CDH23: variants seen among roughly 807,000 people sequenced by gnomAD.
CDH23 encodes cadherin-23.
A neutral mutation model predicts 317.1 loss-of-function variants in CDH23; 189 were observed. That is an observed-to-expected ratio of 0.60 (90% CI 0.53 to 0.67). The LOEUF (loss-of-function observed/expected upper bound fraction) is 0.67. Among genes scored for constraint, CDH23 ranks in the 30% least tolerant of loss-of-function variants. The probability of loss-of-function intolerance (pLI) is 0.00; values close to 1 mark genes in which losing one functional copy is unlikely to be tolerated. For missense variants in CDH23, 4,401 were observed against 4,592.4 expected, an observed-to-expected ratio of 0.96 and a Z score of 1.20; for synonymous variants, 1,839 against 1,876.8, an observed-to-expected ratio of 0.98 and a Z score of 0.52.
At chr10:71,555,683 G>T (rs932368730) in intron 6 of CDH23, among the ~76,000 whole-genome samples, 4 of 152,220 alleles carry the variant, frequency 2.6e-5, no homozygotes, top group Admixed American at 6.5e-5. Context: ...CTACAGGAAG[G>T]TCACTCAGTT....
Position 71,675,182 on chromosome 10 carries a change from A to G in CDH23, c.1514+6A>G, listed in dbSNP as rs367949981. ...TTCAGTGATGACCCTGACAGGTGAG[A>G]CTCTGCCCACAGCCCCTCAGGCCCC... On this transcript the variant is annotated splice_donor_region_variant and intron_variant, in intron 15 of 69. Transcript: ENST00000224721. 1.4e-5 allele frequency: 22 copies of G among 1,612,698 alleles called. No homozygotes were observed. In the African/African-American group the frequency reaches 2.7e-4, roughly 20 times the overall value.
Position 71,707,002 on chromosome 10 carries a change from C to G in CDH23, c.3059C>G (p.Thr1020Arg), listed in dbSNP as rs553678036. 1.2e-6 allele frequency: 2 copies of G among 1,607,506 alleles called. No individual in the cohort carries two copies. The highest frequency in any genetic ancestry group is 1.7e-6 in the Non-Finnish European group (2 of 1,177,098). The change falls in exon 26 of 70, where the codon ACG (threonine) becomes AGG (arginine). Residue 1020 changes from threonine (T) to arginine (R), a missense_variant. Coordinates refer to ENST00000224721, the MANE Select transcript of CDH23 (RefSeq NM_022124.6). ...REFRVVWLNC[T>R]DNDVGLNAEL... ...TTCCGGGTGGTCTGGCTGAACTGCA[C>G]GGACAACGACGTGGGCCTCAATGCA...
chr10:71,423,640 G>A (rs1027808836), intron 1 of CDH23, among the ~76,000 whole-genome samples: 3 of 152,168 alleles, frequency 2.0e-5, no homozygotes, highest in African/African-American at 7.2e-5. Context: ...CAGCTTTAGG[G>A]GAGACTCAGC....
chr10:71,811,366 G>C lies in CDH23; in HGVS notation c.9129G>C (p.Arg3043=), dbSNP rs2133001334. The change falls in exon 63 of 70, where the codon CGG becomes CGC. Residue 3043 remains arginine (R), a synonymous_variant. Coordinates refer to ENST00000224721, the MANE Select transcript of CDH23 (RefSeq NM_022124.6). Reference sequence around the variant, plus strand: ...AGGAGCAGCTACGGAATCTTTTCCGGAACTACAACGTCCTGGACGTGCAGC... The same window carrying C: ...AGGAGCAGCTACGGAATCTTTTCCGCAACTACAACGTCCTGGACGTGCAGC... The part of the protein sequence containing the change: ...ENKEQLRNLF[R]NYNVLDVQPA... 2 of 1,613,930 alleles carry C rather than the reference G, an allele frequency of 1.2e-6. No individual in the cohort carries two copies. Among genetic ancestry groups the C allele is most frequent in the Non-Finnish European group, 8.5e-7 (1 of 1,179,884 alleles).
chr10:71,684,437 C>G (rs553363229), intron 18 of CDH23, among the ~76,000 whole-genome samples: 32 of 152,182 alleles, frequency 2.1e-4, no homozygotes, highest in African/African-American at 7.0e-4. Context: ...TGCTCCACCC[C>G]CCCTGGAGAC....
intron 1 of CDH23, among the ~76,000 whole-genome samples, chr10:71,399,876 G>A (rs956827524): frequency 1.3e-5 from 2 of 152,030 alleles, no homozygotes; most frequent in Non-Finnish European, 2.9e-5. Context: ...CCTCTAGGAC[G>A]CCTGAGACGG....
At chr10:71,715,750 T>G (rs1866186879) in intron 28 of CDH23, 2 of 495,536 alleles carry the variant, frequency 4.0e-6, no homozygotes, top group South Asian at 3.8e-5. Context: ...GAGAGGAAGG[T>G]GCTCTTCTGA....
rs139172365 is a variant in CDH23, at chr10:71,402,429, G to A, written c.-6+5111G>A. On this transcript the variant is annotated intron_variant, in intron 1 of 69. Coordinates refer to ENST00000224721, the MANE Select transcript of CDH23 (RefSeq NM_022124.6). The stretch of plus-strand genomic sequence containing the variant: ...ATTGAGCACCAGTTCTTCCACTAGA[G>A]CTCTGAAGCCTTGGGTCTGGCTTAG... Among the ~76,000 whole-genome samples the A allele has an allele frequency of 2.8e-3, 421 of 152,314 alleles. 3 individuals are homozygous for A. Among genetic ancestry groups the A allele is most frequent in the Non-Finnish European group, 4.3e-3 (295 of 68,040 alleles).
At chr10:71,805,628 G>A (rs1417926359) in intron 55 of CDH23, among the ~76,000 whole-genome samples, 178 bp from the exon 56 acceptor site, 1 of 152,232 alleles carries the variant, frequency 6.6e-6, no homozygotes, top group Non-Finnish European at 1.5e-5. Context: ...AGGGACAACA[G>A]CTAGCAGAAG....
chr10:71,511,726 G>A (rs74145020), intron 6 of CDH23: 2,678 of 163,516 alleles, frequency 0.016, 76 homozygotes, highest in African/African-American at 0.061. Context: ...GAGTGCATGC[G>A]TGTAAAATCA....
At chr10:71,668,572 C>A in intron 14 of CDH23, among the ~76,000 whole-genome samples, 1 of 152,228 alleles carries the variant, frequency 6.6e-6, no homozygotes, top group East Asian at 1.9e-4. Flanking sequence ...CCTCCTTCAT[C>A]TATAAAGTGG....
Position 71,784,970 on chromosome 10 carries a change from G to A in CDH23, c.5582G>A (p.Ser1861Asn). The A allele has an allele frequency of 6.2e-7, 1 of 1,614,070 alleles. No homozygotes were observed. The highest frequency in any genetic ancestry group is 8.5e-7 in the Non-Finnish European group (1 of 1,179,902). The change falls in exon 43 of 70, where the codon AGC becomes AAC. Residue 1861 changes from serine to asparagine, a missense_variant. Ser to Asn is a conservative substitution (Grantham distance 46). This residue lies in a region of CDH23 where 3,068 missense variants were observed against 3,203.3 expected (regional missense o/e 0.96). Coordinates refer to ENST00000224721, the MANE Select transcript of CDH23 (RefSeq NM_022124.6). ...AACCTGCCCATGAACATCACCATCA[G>A]CGAGAACAGCCCTGTCTCCAGCTTT... ...LLNLPMNITI[S>N]ENSPVSSFVA... is the part of the protein sequence containing the mutation.
chr10:71,679,919 G>T (rs1380004028), intron 17 of CDH23, among the ~76,000 whole-genome samples: 1 of 152,190 alleles, frequency 6.6e-6, no homozygotes, highest in Non-Finnish European at 1.5e-5. Context: ...CATCCCTAGA[G>T]CCCTGGTAGG....
rs942799653 is a variant in CDH23, at chr10:71,741,935, G to A, written c.4845+14G>A. 2 of 1,563,486 alleles carry A rather than the reference G, an allele frequency of 1.3e-6. No homozygotes were observed. The highest frequency in any genetic ancestry group is 1.4e-5 in the African/African-American group (1 of 74,044). ...CCAACCCTGTCGGTGAGCGATGGGG[G>A]TGGCCACAGGGAGGAGCGGGTGGGC... On this transcript the variant is annotated intron_variant, in intron 38 of 69. Coordinates refer to ENST00000224721, the MANE Select transcript of CDH23 (RefSeq NM_022124.6).
At chr10:71,530,432 G>A (rs546948994) in intron 6 of CDH23, among the ~76,000 whole-genome samples, 2 of 152,324 alleles carry the variant, frequency 1.3e-5, no homozygotes, top group African/African-American at 2.4e-5. Flanking sequence ...CTGCCAAGCC[G>A]TTCTCCACCC....
intron 1 of CDH23, among the ~76,000 whole-genome samples, chr10:71,415,059 C>G (rs906695042): frequency 2.6e-5 from 4 of 152,068 alleles, no homozygotes; most frequent in African/African-American, 4.8e-5. Flanking sequence ...GATATCTTTT[C>G]ATGGATGAAA....
At chr10:71,541,589 C>T (rs960841573) in intron 6 of CDH23, among the ~76,000 whole-genome samples, 11 of 152,208 alleles carry the variant, frequency 7.2e-5, no homozygotes, top group Admixed American at 2.0e-4. Flanking sequence ...AGAGAACTTC[C>T]GGCAGGAGTT....
chr10:71,514,969 T>C (rs528225682), intron 6 of CDH23, among the ~76,000 whole-genome samples: 4 of 152,322 alleles, frequency 2.6e-5, no homozygotes, highest in Admixed American at 2.6e-4. Context: ...GTACCTCCGT[T>C]AGGGGCGCGT....
intron 14 of CDH23, 164 bp downstream of exon 14, chr10:71,646,781 C>T: frequency 6.4e-7 from 1 of 1,571,774 alleles, no homozygotes. Flanking sequence ...TTGGACTCTT[C>T]AGGAAGGGGC....
Sources: allele counts gnomAD v4.1 joint callset (sites outside exome capture counted in the v4.1 genomes callset), GRCh38; gene constraint gnomAD v4.1.1; regional missense constraint gnomAD v4.1.1; transcripts MANE v1.5; gene names NCBI Gene and HGNC (gene_info 2026-07-23, HGNC 2026-07-21).